ZNF536: variants seen among roughly 807,000 people sequenced by gnomAD.
ZNF536 encodes zinc finger protein 536.
A neutral mutation model predicts 84.5 loss-of-function variants in ZNF536; 13 were observed. The ratio of observed to expected loss-of-function variants is 0.15; its 90% CI spans 0.10 to 0.24. The LOEUF (loss-of-function observed/expected upper bound fraction) is 0.24. ZNF536 is among the 10% of genes least tolerant of loss of function. The pLI is 1.00. For synonymous variants in ZNF536, 811 were observed against 742.5 expected, an observed-to-expected ratio of 1.09 and a Z score of -1.50; for missense variants, 1,536 against 1,747.5, an observed-to-expected ratio of 0.88 and a Z score of 2.16.
chr19:30,423,168 T>G (rs2051056653), intron 1 of ZNF536, among the ~76,000 whole-genome samples: 1 of 146,764 alleles, frequency 6.8e-6, no homozygotes, highest in Non-Finnish European at 1.5e-5. Context: ...CATCCATCCA[T>G]CTAACCATCT....
At position 30,445,890 on chromosome 19, in the gene ZNF536, C is replaced by G. The variant is rs889667487; in HGVS notation, c.2170+158C>G. 6.6e-6 allele frequency among the ~76,000 whole-genome samples: 1 copy of G among 152,122 alleles called. No homozygotes were observed. The highest frequency in any genetic ancestry group is 1.5e-5 in the Non-Finnish European group (1 of 68,002). ...CTGGGCCATGCCTTTCTTTCCCCCC[C>G]TGACTGGAGGGAAAGGGCCGTCCTT... On this transcript the variant is annotated intron_variant, in intron 2 of 4. Coordinates refer to ENST00000355537, the MANE Select transcript of ZNF536 (RefSeq NM_014717.3). The surrounding 1 kb of genome is among the most constrained non-coding windows in gnomAD (Gnocchi z 4.5).
chr19:30,396,601 T>G (rs1231532362), intron 1 of ZNF536, among the ~76,000 whole-genome samples: 1 of 148,982 alleles, frequency 6.7e-6, no homozygotes, highest in East Asian at 2.0e-4. Context: ...TCTTTTTTTT[T>G]TTTTTTTTTT....
chr19:30,349,362 C>G (rs372724908), intron 2 of ZNF536, among the ~76,000 whole-genome samples: 3 of 152,178 alleles, frequency 2.0e-5, no homozygotes, highest in East Asian at 3.8e-4. Context: ...GTCATCCCTC[C>G]CTGCAGTGAA....
chr19:30,580,741 C>T (rs902784519), intron 1 of ZNF536, among the ~76,000 whole-genome samples: 5 of 152,218 alleles, frequency 3.3e-5, no homozygotes, highest in East Asian at 1.9e-4. Flanking sequence ...GCTCATCCTA[C>T]TCTTTTCTTC....
chr19:30,502,779 T>C (rs1041313607), intron 2 of ZNF536, among the ~76,000 whole-genome samples: 1 of 152,136 alleles, frequency 6.6e-6, no homozygotes, highest in African/African-American at 2.4e-5. Context: ...GGGACACCAG[T>C]GAGATGTCCC....
At chr19:30,551,127 G>A (rs1482266666) in intron 4 of ZNF536, among the ~76,000 whole-genome samples, 1 of 149,368 alleles carries the variant, frequency 6.7e-6, no homozygotes, top group Non-Finnish European at 1.5e-5. Flanking sequence ...TTGTTGTTTA[G>A]AGTCTTTTTT....
exon 2 of ZNF536, chr19:30,284,095 A>T (rs1380089764): frequency 6.6e-6 from 1 of 152,194 alleles, no homozygotes; most frequent in African/African-American, 2.4e-5. Context: ...CGGCTTTAAG[A>T]ATATCCTTCA....
At chr19:30,570,087 G>T (rs10424536) in intron 1 of ZNF536, among the ~76,000 whole-genome samples, 2 of 152,170 alleles carry the variant, frequency 1.3e-5, no homozygotes, top group Non-Finnish European at 2.9e-5. Context: ...TCTATCCCCA[G>T]ATATCAGTAG....
chr19:30,701,485 A>G (rs2051973096), intron 1 of ZNF536, among the ~76,000 whole-genome samples: 1 of 151,792 alleles, frequency 6.6e-6, no homozygotes, highest in African/African-American at 2.4e-5. Context: ...AGACACACAC[A>G]AACACACACA....
intron 1 of ZNF536, among the ~76,000 whole-genome samples, chr19:30,376,804 G>A (rs1164921886): frequency 4.6e-5 from 7 of 152,152 alleles, no homozygotes; most frequent in Non-Finnish European, 1.0e-4. Flanking sequence ...CTTGACTGCC[G>A]CCTGGCTCCC....
intron 2 of ZNF536, among the ~76,000 whole-genome samples, chr19:30,337,290 G>A (rs751560285): frequency 6.6e-6 from 1 of 152,090 alleles, no homozygotes; most frequent in Non-Finnish European, 1.5e-5. Flanking sequence ...GCTGGCGTCC[G>A]CAATCTCCCA....
At chr19:30,652,480 A>T (rs868390227) in intron 1 of ZNF536, among the ~76,000 whole-genome samples, 1 of 152,160 alleles carries the variant, frequency 6.6e-6, no homozygotes, top group African/African-American at 2.4e-5. Context: ...TTATCGATAG[A>T]TGTGTCTCTG....
chr19:30,606,456 G>A (rs536479705), intron 1 of ZNF536, among the ~76,000 whole-genome samples: 44 of 152,188 alleles, frequency 2.9e-4, no homozygotes, highest in Middle Eastern at 6.8e-3. Flanking sequence ...CAGTGAGTTG[G>A]GGGTTTCCCA....
At chr19:30,363,299 T>G (rs1440475224) in intron 3 of ZNF536, among the ~76,000 whole-genome samples, 1 of 152,200 alleles carries the variant, frequency 6.6e-6, no homozygotes, top group Non-Finnish European at 1.5e-5. Flanking sequence ...CACTGAAGTC[T>G]GGATGACCCT....
intron 1 of ZNF536, among the ~76,000 whole-genome samples, chr19:30,631,774 C>T (rs961601927): frequency 1.3e-5 from 2 of 152,168 alleles, no homozygotes; most frequent in African/African-American, 2.4e-5. Context: ...TGGAGGGCAA[C>T]GTGGGTGTCT....
chr19:30,470,163 A>G (rs905987183), intron 2 of ZNF536, among the ~76,000 whole-genome samples: 3 of 152,174 alleles, frequency 2.0e-5, no homozygotes, highest in African/African-American at 4.8e-5. Flanking sequence ...CATCTTCCCT[A>G]TGATTTTTGG....
In ZNF536 at chr19:30,548,829, C is replaced by G. The variant is rs750023773; in HGVS notation, c.3210C>G (p.Ser1070Arg). ...NKDLGLSNMI[S>R]SLDSASEKMA... The stretch of plus-strand genomic sequence containing the variant: ...ACCTGGGCCTCTCCAATATGATCAG[C>G]TCTCTAGACTCTGCTTCTGAGAAGA... Residue 1070 changes from serine to arginine, a missense_variant, in exon 4 of 5, where the codon AGC (serine) becomes AGG (arginine). Transcript: ENST00000355537. The G allele has an allele frequency of 1.2e-6, 2 of 1,614,006 alleles. No individual in the cohort carries two copies. The highest frequency in any genetic ancestry group is 2.7e-5 in the African/African-American group (2 of 74,942).
At chr19:30,555,232 A>C (rs2045923276) in intron 4 of ZNF536, 1 of 152,182 alleles carries the variant, frequency 6.6e-6, no homozygotes, top group Non-Finnish European at 1.5e-5. Context: ...GATGAAATAG[A>C]TGATAGAGAT....
At chr19:30,247,326 G>A (rs568695462) in intron 1 of ZNF536, among the ~76,000 whole-genome samples, 33 of 152,168 alleles carry the variant, frequency 2.2e-4, no homozygotes, top group Non-Finnish European at 2.5e-4. Flanking sequence ...CTGTTTCCCC[G>A]TCTGTAACAC....
Sources: allele counts gnomAD v4.1 joint callset (sites outside exome capture counted in the v4.1 genomes callset), GRCh38; gene constraint gnomAD v4.1.1; non-coding constraint Gnocchi (gnomAD v3.1); transcripts MANE v1.5; gene names NCBI Gene and HGNC (gene_info 2026-07-23, HGNC 2026-07-21).